Variants in INTS15 observed in about 807,000 individuals in gnomAD.
INTS15 encodes the protein integrator complex subunit 15.
the INTS15 span, chr7:6,591,530 C>G: frequency 2.5e-5 from 21 of 849,700 alleles, no homozygotes; most frequent in African/African-American, 2.9e-4. Context: ...TCCCAAAGTG[C>G]TGGGATTACA....
chr7:6,597,982 C>T, the INTS15 span, among the ~76,000 whole-genome samples: 1 of 152,160 alleles, frequency 6.6e-6, no homozygotes, highest in Non-Finnish European at 1.5e-5. Context: ...AACTGGGATC[C>T]TAGAGACTGA....
chr7:6,606,692 G>A, the INTS15 span, among the ~76,000 whole-genome samples: 8 of 132,474 alleles, frequency 6.0e-5, no homozygotes, highest in Non-Finnish European at 1.2e-4. Context: ...GGCCCCAGAG[G>A]GCCTTTTTTT....
At chr7:6,591,759 A>G in the INTS15 span, 3 of 1,614,138 alleles carry the variant, frequency 1.9e-6, no homozygotes, top group African/African-American at 2.7e-5. Flanking sequence ...TCAGCCCTCA[A>G]GGGAACAAAG....
chr7:6,604,350 T>A, the INTS15 span, among the ~76,000 whole-genome samples: 1 of 152,194 alleles, frequency 6.6e-6, no homozygotes, highest in Non-Finnish European at 1.5e-5. Context: ...TGAGCTGTGA[T>A]ACCTCAGGAG....
the INTS15 span, among the ~76,000 whole-genome samples, chr7:6,604,791 C>T: frequency 6.6e-6 from 1 of 152,328 alleles, no homozygotes; most frequent in African/African-American, 2.4e-5. Context: ...ATCCGTGCCA[C>T]ACTCACTCTG....
At chr7:6,590,141 G>A in the INTS15 span, 1 of 619,774 alleles carries the variant, frequency 1.6e-6, no homozygotes, top group Non-Finnish European at 2.4e-6. Flanking sequence ...CAGGCAGGGA[G>A]CAGGCGGCGG....
At chr7:6,604,643 T>C in the INTS15 span, among the ~76,000 whole-genome samples, 11 of 152,242 alleles carry the variant, frequency 7.2e-5, no homozygotes, top group Admixed American at 5.2e-4. Context: ...AGTGGCCGTG[T>C]CAGGTCCAGC....
the INTS15 span, chr7:6,602,079 T>C: frequency 2.3e-5 from 37 of 1,610,000 alleles, no homozygotes; most frequent in Admixed American, 6.2e-4. Context: ...TGTTCATTAA[T>C]CTTGTATCTC....
At chr7:6,594,949 A>C in the INTS15 span, among the ~76,000 whole-genome samples, 1 of 152,062 alleles carries the variant, frequency 6.6e-6, no homozygotes. Flanking sequence ...GCCGATCTCA[A>C]ACCCCTGATC....
the INTS15 span, chr7:6,599,834 C>T: frequency 1.9e-6 from 3 of 1,612,168 alleles, no homozygotes; most frequent in African/African-American, 1.3e-5. Context: ...TGCAGATGAC[C>T]TCATTCCACC....
chr7:6,598,425 C>T, the INTS15 span, among the ~76,000 whole-genome samples: 3 of 148,716 alleles, frequency 2.0e-5, no homozygotes, highest in East Asian at 2.0e-4. Flanking sequence ...GCTGAGATCA[C>T]GCCACTGCAC....
the INTS15 span, among the ~76,000 whole-genome samples, chr7:6,603,274 G>T: frequency 6.6e-6 from 1 of 151,244 alleles, no homozygotes; most frequent in African/African-American, 2.4e-5. Flanking sequence ...AAGGCCAGAT[G>T]TGGTGGCTCA....
the INTS15 span, chr7:6,602,594 T>TGTGACA: frequency 2.2e-6 from 1 of 448,898 alleles, no homozygotes; most frequent in South Asian, 1.6e-5. Flanking sequence ...TTGGGAAGTC[T>TGTGACA]CTTGACCTGT....
the INTS15 span, among the ~76,000 whole-genome samples, chr7:6,596,583 T>C: frequency 6.6e-6 from 1 of 151,620 alleles, no homozygotes; most frequent in African/African-American, 2.4e-5. Context: ...TTCACCATGT[T>C]GGCCAGGTTG....
chr7:6,602,579 G>A, the INTS15 span: 3 of 432,628 alleles, frequency 6.9e-6, no homozygotes, highest in South Asian at 5.1e-5. Flanking sequence ...GATTGGCTGT[G>A]ACACTTGGGA....
At chr7:6,598,046 T>C in the INTS15 span, among the ~76,000 whole-genome samples, 1 of 152,228 alleles carries the variant, frequency 6.6e-6, no homozygotes, top group South Asian at 2.1e-4. Flanking sequence ...CCTGCACAAG[T>C]GTGCACACGC....
the INTS15 span, chr7:6,607,836 G>T: frequency 2.0e-6 from 3 of 1,515,166 alleles, no homozygotes; most frequent in Non-Finnish European, 2.6e-6. The surrounding 1 kb of genome is among the most constrained non-coding windows in gnomAD (Gnocchi z 6.0). Context: ...TGGACCCCCG[G>T]GTGGTCCGTG....
At chr7:6,598,786 TA>T in the INTS15 span, among the ~76,000 whole-genome samples, 533 of 66,094 alleles carry the variant, frequency 8.1e-3, 2 homozygotes, top group African/African-American at 0.048. Flanking sequence ...TGTGTGTGTG[TA>T]TTTTTTTTTT....
the INTS15 span, chr7:6,607,815 T>A: frequency 6.7e-7 from 1 of 1,494,750 alleles, no homozygotes; most frequent in Non-Finnish European, 8.9e-7. The surrounding 1 kb of genome is among the most constrained non-coding windows in gnomAD (Gnocchi z 6.0). Context: ...TGCTTCTCCG[T>A]GTCCACCGCC....
Sources: allele counts gnomAD v4.1 joint callset (sites outside exome capture counted in the v4.1 genomes callset), GRCh38; gene constraint gnomAD v4.1.1; non-coding constraint Gnocchi (gnomAD v3.1); transcripts MANE v1.5; gene names NCBI Gene and HGNC (gene_info 2026-07-23, HGNC 2026-07-21).